Variants in CLEC16A observed in about 807,000 individuals in gnomAD.
CLEC16A encodes the protein C-type lectin domain containing 16A, also known as protein CLEC16A.
In CLEC16A, 51 loss-of-function variants were observed where a neutral mutation model predicts 109.5. The ratio of observed to expected loss-of-function variants is 0.47; its 90% CI spans 0.37 to 0.59. The LOEUF (loss-of-function observed/expected upper bound fraction) is 0.59, where lower values mean the gene tolerates loss of function less well. Among genes scored for constraint, CLEC16A ranks in the 20% least tolerant of loss-of-function variants. The probability of loss-of-function intolerance (pLI) is 0.00; values close to 1 mark genes in which losing one functional copy is unlikely to be tolerated. For synonymous variants in CLEC16A, 673 were observed against 564.2 expected (o/e 1.19, Z -2.73); for missense variants, 1,339 against 1,394.0 (o/e 0.96, Z 0.63).
At chr16:11,090,091 G>T (rs1435567515) in intron 19 of CLEC16A, among the ~76,000 whole-genome samples, 4 of 152,084 alleles carry the variant, frequency 2.6e-5, no homozygotes, top group Admixed American at 6.6e-5. Flanking sequence ...TGCTTATTTA[G>T]TTCTCCACCA....
chr16:11,176,335 C>G (rs2068744356), intron 23 of CLEC16A, among the ~76,000 whole-genome samples: 1 of 152,244 alleles, frequency 6.6e-6, no homozygotes, highest in African/African-American at 2.4e-5. Context: ...CACTAGTGTT[C>G]ACCGATGCCC....
At position 11,181,660 on chromosome 16, in the gene CLEC16A, G is replaced by C. The variant is rs952875241; in HGVS notation, c.*2970G>C. On this transcript the variant is annotated 3_prime_UTR_variant, in exon 24 of 24. Transcript: ENST00000409790. ...AGGAAGGGCCAGCCTTCACCATCGCGTGGGATTGGGAGGAGGGGCCTCCGT... is the reference window on the plus strand; with the variant it reads ...AGGAAGGGCCAGCCTTCACCATCGCCTGGGATTGGGAGGAGGGGCCTCCGT... 6.6e-6 allele frequency: 1 copy of C among 152,300 alleles called. No homozygotes were observed. The highest frequency in any genetic ancestry group is 2.4e-5 in the African/African-American group (1 of 41,464). 9.4% of individuals were successfully genotyped at this position (152,300 alleles called of 1,614,324 possible). A position where few individuals can be genotyped will look rare whatever the true frequency, so the allele number is the denominator to read the frequency against.
intron 20 of CLEC16A, among the ~76,000 whole-genome samples, chr16:11,121,634 C>T (rs1314787064): frequency 1.3e-5 from 2 of 151,606 alleles, no homozygotes; most frequent in Non-Finnish European, 1.5e-5. Context: ...AATCCCAGCA[C>T]TTTGAGGGGC....
chr16:11,125,932 CTCTAT>C, intron 21 of CLEC16A, 42 bp from the exon 22 acceptor site: 1 of 838,308 alleles, frequency 1.2e-6, no homozygotes, highest in South Asian at 2.1e-5. Flanking sequence ...CACCACCCCC[CTCTAT>C]CCCACATGCT....
chr16:11,155,040 C>G (rs1597586622), intron 22 of CLEC16A, among the ~76,000 whole-genome samples: 1 of 152,124 alleles, frequency 6.6e-6, no homozygotes, highest in Non-Finnish European at 1.5e-5. Flanking sequence ...GGAGGATCAG[C>G]TGAGCCTGGC....
intron 13 of CLEC16A, among the ~76,000 whole-genome samples, chr16:11,035,325 T>C (rs765055558): frequency 6.6e-6 from 1 of 152,200 alleles, no homozygotes; most frequent in African/African-American, 2.4e-5. Flanking sequence ...ATTTTGAGAT[T>C]TGTCTAATCT....
chr16:11,089,129 T>G (rs1268807528), intron 19 of CLEC16A, among the ~76,000 whole-genome samples: 2 of 152,132 alleles, frequency 1.3e-5, no homozygotes, highest in African/African-American at 4.8e-5. Flanking sequence ...TCGGGCTGTC[T>G]TGTTCACCAC....
At chr16:11,130,978 C>G (rs1043679565) in intron 22 of CLEC16A, among the ~76,000 whole-genome samples, 24 of 152,076 alleles carry the variant, frequency 1.6e-4, no homozygotes, top group Non-Finnish European at 2.8e-4. Context: ...TAAATCAGGG[C>G]TAATAGGTGA....
chr16:11,025,070 C>T (rs2046334004), intron 13 of CLEC16A, 149 bp downstream of exon 13: 2 of 614,862 alleles, frequency 3.3e-6, no homozygotes, highest in Non-Finnish European at 5.8e-6. Context: ...TTGACTCCCG[C>T]TCCTCTTTAG....
At chr16:11,051,190 T>G (rs893042342) in intron 17 of CLEC16A, among the ~76,000 whole-genome samples, 3 of 152,186 alleles carry the variant, frequency 2.0e-5, no homozygotes, top group Non-Finnish European at 4.4e-5. Context: ...ATACCTGGCC[T>G]CCTGCTGAGA....
intron 23 of CLEC16A, among the ~76,000 whole-genome samples, chr16:11,173,552 C>G (rs1218685277): frequency 6.6e-6 from 1 of 152,090 alleles, no homozygotes; most frequent in African/African-American, 2.4e-5. Flanking sequence ...GGGAGAGGCT[C>G]GTGGAGAGGC....
At chr16:10,962,905 A>C (rs1378663419) in intron 3 of CLEC16A, among the ~76,000 whole-genome samples, 1 of 152,082 alleles carries the variant, frequency 6.6e-6, no homozygotes, top group Non-Finnish European at 1.5e-5. Context: ...AAAAAACCAC[A>C]AAAATTAGCT....
intron 2 of CLEC16A, among the ~76,000 whole-genome samples, chr16:10,962,108 G>A (rs547933281): frequency 3.3e-5 from 5 of 151,340 alleles, no homozygotes; most frequent in South Asian, 2.1e-4. Flanking sequence ...ATGCACCACC[G>A]CCTAATTTTT....
chr16:11,080,066 T>C (rs546900250), intron 19 of CLEC16A, among the ~76,000 whole-genome samples: 2 of 152,324 alleles, frequency 1.3e-5, no homozygotes, highest in South Asian at 2.1e-4. Flanking sequence ...ATCCCATCTG[T>C]TTCCCACCAG....
intron 18 of CLEC16A, among the ~76,000 whole-genome samples, chr16:11,058,720 A>G (rs1417067095): frequency 6.6e-6 from 1 of 152,230 alleles, no homozygotes; most frequent in Non-Finnish European, 1.5e-5. Flanking sequence ...CTTTTAAAGT[A>G]TTTATTGAAA....
At chr16:11,070,862 G>A (rs545661473) in intron 19 of CLEC16A, 1 of 152,374 alleles carries the variant, frequency 6.6e-6, no homozygotes, top group South Asian at 2.1e-4. Context: ...AGGGCACCAC[G>A]AGGCCCATGA....
chr16:11,139,544 A>G (rs1484671524), intron 22 of CLEC16A, among the ~76,000 whole-genome samples: 1 of 152,206 alleles, frequency 6.6e-6, no homozygotes, highest in Non-Finnish European at 1.5e-5. Flanking sequence ...CTTCACACTT[A>G]CACAGCCTGC....
chr16:11,056,581 C>T (rs530326842), intron 18 of CLEC16A: 13 of 152,264 alleles, frequency 8.5e-5, no homozygotes, highest in Admixed American at 2.0e-4. Flanking sequence ...CATATTTGCA[C>T]GAGGTTTTAT....
intron 19 of CLEC16A, among the ~76,000 whole-genome samples, chr16:11,082,209 C>T (rs1051599734): frequency 2.6e-5 from 4 of 152,206 alleles, no homozygotes; most frequent in African/African-American, 9.6e-5. Flanking sequence ...TGAGTGTGTG[C>T]ATGTGTGTAT....
Sources: allele counts gnomAD v4.1 joint callset (sites outside exome capture counted in the v4.1 genomes callset), GRCh38; gene constraint gnomAD v4.1.1; transcripts MANE v1.5; gene names NCBI Gene and HGNC (gene_info 2026-07-23, HGNC 2026-07-21).